Variants in HABP2 observed in about 807,000 individuals in gnomAD.
The protein encoded by HABP2 is factor VII-activating protease.
Under a neutral mutation model 66.5 loss-of-function variants are expected in HABP2, and 65 were observed. The ratio of observed to expected loss-of-function variants is 0.98; its 90% CI spans 0.80 to 1.20. HABP2 has a LOEUF of 1.20. Ranked by LOEUF, HABP2 falls within the 50% of genes most tolerant of loss-of-function variation. The probability of loss-of-function intolerance (pLI) is 0.00; values close to 1 mark genes in which losing one functional copy is unlikely to be tolerated. For synonymous variants in HABP2, 263 were observed against 253.9 expected, an observed-to-expected ratio of 1.04 and a Z score of -0.34; for missense variants, 786 against 691.0, an observed-to-expected ratio of 1.14 and a Z score of -1.54.
At chr10:113,586,476 G>GT (rs58122719) in intron 12 of HABP2, among the ~76,000 whole-genome samples, 5,075 of 85,802 alleles carry the variant, frequency 0.059, 126 homozygotes, top group Middle Eastern at 0.11. Context: ...GTGTGTGTGT[G>GT]GGGGGGGGGG....
intron 10 of HABP2, among the ~76,000 whole-genome samples, chr10:113,583,612 A>G (rs748428065): frequency 7.9e-5 from 12 of 152,222 alleles, no homozygotes; most frequent in Non-Finnish European, 1.5e-4. Context: ...CTTGGCCTGG[A>G]ATCCCAGCTT....
At chr10:113,572,956 AAG>A (rs2133765515) in intron 2 of HABP2, among the ~76,000 whole-genome samples, 1 of 152,318 alleles carries the variant, frequency 6.6e-6, no homozygotes, top group South Asian at 2.1e-4. Flanking sequence ...CAGAGAGATA[AAG>A]ACTCTAACAG....
At chr10:113,561,148 G>A (rs541092875) in intron 1 of HABP2, among the ~76,000 whole-genome samples, 1 of 152,320 alleles carries the variant, frequency 6.6e-6, no homozygotes, top group Admixed American at 6.5e-5. Context: ...GAGAGAGAAG[G>A]AGCCCGTGTC....
intron 4 of HABP2, 60 bp from the exon 5 acceptor site, chr10:113,577,090 A>G: frequency 1.1e-6 from 1 of 914,876 alleles, no homozygotes; most frequent in South Asian, 1.3e-5. Flanking sequence ...TGTTTTATAC[A>G]TGTATCCCTC....
chr10:113,555,588 A>T (rs1465422719), intron 1 of HABP2, among the ~76,000 whole-genome samples: 2 of 152,196 alleles, frequency 1.3e-5, no homozygotes, highest in African/African-American at 4.8e-5. Context: ...ATCATCTGTC[A>T]TGGAGATTTT....
Position 113,579,423 on chromosome 10 carries a change from A to T in HABP2, c.740+625A>T, listed in dbSNP as rs11575761. The stretch of plus-strand genomic sequence containing the variant: ...GAGTTTTTCTCTACCTCAACCTAGA[A>T]GGGACACATCCTCTTCCCACACATA... On this transcript the variant is annotated intron_variant, in intron 7 of 12. Coordinates refer to ENST00000351270, the MANE Select transcript of HABP2 (RefSeq NM_004132.5). Among the ~76,000 whole-genome samples, 673 of 152,320 alleles carry T rather than the reference A, an allele frequency of 4.4e-3. 8 individuals are homozygous for T. The highest frequency in any genetic ancestry group is 0.015 in the African/African-American group (634 of 41,582).
chr10:113,583,750 T>G (rs1845584408), intron 10 of HABP2, among the ~76,000 whole-genome samples: 1 of 152,194 alleles, frequency 6.6e-6, no homozygotes, highest in African/African-American at 2.4e-5. Flanking sequence ...CAGGCATGCC[T>G]GGCCCCTAGC....
At chr10:113,574,597 A>G (rs1845375187) in intron 3 of HABP2, among the ~76,000 whole-genome samples, 192 bp downstream of exon 3, 1 of 152,174 alleles carries the variant, frequency 6.6e-6, no homozygotes, top group Non-Finnish European at 1.5e-5. Context: ...GTTCTTAGAG[A>G]CCATCTCCCC....
Position 113,588,474 on chromosome 10 carries a change from G to GTAGAC in HABP2, c.*108_*112dup. ...TCCAGAGCCTCCAGGGGACCACACA[G>GTAGAC]TAGACTATCCCTACTCTAAGCAGAG... On this transcript the variant is annotated 3_prime_UTR_variant, in exon 13 of 13. Coordinates refer to ENST00000351270, the MANE Select transcript of HABP2 (RefSeq NM_004132.5). 1 of 790,586 alleles carries GTAGAC rather than the reference G, an allele frequency of 1.3e-6. No homozygotes were observed. Among genetic ancestry groups the GTAGAC allele is most frequent in the East Asian group, 2.6e-5 (1 of 37,978 alleles). 49.0% of individuals were successfully genotyped at this position (790,586 alleles called of 1,614,324 possible). A position where few individuals can be genotyped will look rare whatever the true frequency, so the allele number is the denominator to read the frequency against.
Position 113,588,725 on chromosome 10 carries a change from C to CACCA in HABP2, c.*357_*360dup, listed in dbSNP as rs1845730195. The CACCA allele has an allele frequency of 1.8e-6, 1 of 551,300 alleles. No homozygotes were observed. The highest frequency in any genetic ancestry group is 3.4e-5 in the Admixed American group (1 of 29,564). 34.2% of individuals were successfully genotyped at this position (551,300 alleles called of 1,614,324 possible). On this transcript the variant is annotated 3_prime_UTR_variant, in exon 13 of 13. Transcript: ENST00000351270. Reference sequence around the variant, plus strand: ...CAGAATCCCCAGCATCAGCGGGAACCACCATCACATCTTTATTCCTCAGCC... The same window carrying CACCA: ...CAGAATCCCCAGCATCAGCGGGAACCACCAACCATCACATCTTTATTCCTCAGCC...
Position 113,588,961 on chromosome 10 carries a change from A to AG in HABP2, c.*595dup, listed in dbSNP as rs1491089878. On this transcript the variant is annotated 3_prime_UTR_variant, in exon 13 of 13. Transcript: ENST00000351270. ...CTTCCTCTCTGGCCTCTCAGGAATCAGGGTGGACATGGCTCACAACAGCAG... is the reference window on the plus strand; with the variant it reads ...CTTCCTCTCTGGCCTCTCAGGAATCAGGGGTGGACATGGCTCACAACAGCAG... 6.3e-6 allele frequency: 10 copies of AG among 1,579,762 alleles called. No homozygotes were observed. The highest frequency in any genetic ancestry group is 8.6e-6 in the Non-Finnish European group (10 of 1,161,044).
At position 113,583,248 on chromosome 10, in the gene HABP2, G is replaced by A. The variant is rs1186088777; in HGVS notation, c.1127G>A (p.Gly376Glu). The A allele has an allele frequency of 8.1e-6, 13 of 1,613,436 alleles. No individual in the cohort carries two copies. The highest frequency in any genetic ancestry group is 1.0e-5 in the Non-Finnish European group (12 of 1,179,488). ...IKTRHLKVVLGDQDLKKEEFH... is the reference protein window; with the variant it reads ...IKTRHLKVVLEDQDLKKEEFH... ...ACCAGACATCTAAAGGTGGTGCTAGGGGACCAGGACCTGAAGAAAGAAGAA... is the reference window on the plus strand; with the variant it reads ...ACCAGACATCTAAAGGTGGTGCTAGAGGACCAGGACCTGAAGAAAGAAGAA... The change falls in exon 10 of 13, where the codon GGG (glycine) becomes GAG (glutamate). Residue 376 changes from glycine to glutamate, a missense_variant. Coordinates refer to ENST00000351270, the MANE Select transcript of HABP2 (RefSeq NM_004132.5).
At position 113,580,659 on chromosome 10, in the gene HABP2, G is replaced by C; in HGVS notation, c.805G>C (p.Glu269Gln). ...IKVTNDKVKW[E>Q]YCDVSACSAQ... ...AGTTACCAATGACAAGGTGAAATGGGAATACTGTGATGTCTCAGCCTGCTC... is the reference window on the plus strand; with the variant it reads ...AGTTACCAATGACAAGGTGAAATGGCAATACTGTGATGTCTCAGCCTGCTC... Residue 269 changes from glutamate to glutamine, a missense_variant, in exon 8 of 13, where the codon GAA becomes CAA. Coordinates refer to ENST00000351270, the MANE Select transcript of HABP2 (RefSeq NM_004132.5). 1 of 1,597,252 alleles carries C rather than the reference G, an allele frequency of 6.3e-7. No individual in the cohort carries two copies. Among genetic ancestry groups the C allele is most frequent in the Non-Finnish European group, 8.6e-7 (1 of 1,164,712 alleles).
At chr10:113,560,104 C>T (rs1845073989) in intron 1 of HABP2, among the ~76,000 whole-genome samples, 1 of 152,214 alleles carries the variant, frequency 6.6e-6, no homozygotes, top group Non-Finnish European at 1.5e-5. Context: ...GGAAGGAAAC[C>T]ACCCACAGGC....
At chr10:113,570,510 A>G (rs2133761827) in intron 2 of HABP2, among the ~76,000 whole-genome samples, 1 of 152,362 alleles carries the variant, frequency 6.6e-6, no homozygotes, top group South Asian at 2.1e-4. Context: ...AGAGAAAGTC[A>G]CAAATAATCT....
intron 2 of HABP2, among the ~76,000 whole-genome samples, chr10:113,568,622 C>T (rs543652357): frequency 2.7e-4 from 41 of 152,148 alleles, no homozygotes; most frequent in Non-Finnish European, 5.0e-4. Context: ...CCTCTGAAGG[C>T]GCGTATTTCA....
chr10:113,588,942 C>G lies in HABP2; in HGVS notation c.*573C>G. ...CCTGTCTCTGGTGAACAAACTTCCT[C>G]TCTGGCCTCTCAGGAATCAGGGTGG... On this transcript the variant is annotated 3_prime_UTR_variant, in exon 13 of 13. Coordinates refer to ENST00000351270, the MANE Select transcript of HABP2 (RefSeq NM_004132.5). 6.4e-7 allele frequency: 1 copy of G among 1,559,276 alleles called. No individual in the cohort carries two copies.
At position 113,589,540 on chromosome 10, in the gene HABP2, G is replaced by A; in HGVS notation, c.*1171G>A. The A allele has an allele frequency of 8.6e-7, 1 of 1,165,622 alleles. No individual in the cohort carries two copies. Among genetic ancestry groups the A allele is most frequent in the African/African-American group, 1.5e-5 (1 of 65,376 alleles). 72.2% of individuals were successfully genotyped at this position (1,165,622 alleles called of 1,614,324 possible). The stretch of plus-strand genomic sequence containing the variant: ...CCATGAAATTAGGCGCCTTGTTTGA[G>A]CTGCGTTTCACACTTCTTTAGAGCT... On this transcript the variant is annotated 3_prime_UTR_variant, in exon 13 of 13. Transcript: ENST00000351270.
intron 1 of HABP2, among the ~76,000 whole-genome samples, chr10:113,566,402 C>G (rs7917138): frequency 0.096 from 14,555 of 152,326 alleles, 792 homozygotes; most frequent in Non-Finnish European, 0.12. Flanking sequence ...AGAGCATACT[C>G]CAGTTATTAA....
Sources: gnomAD v4.1 joint callset for allele counts (sites outside exome capture counted in the v4.1 genomes callset) on GRCh38, gnomAD v4.1.1 for gene constraint, MANE v1.5 for transcripts, NCBI Gene and HGNC (gene_info 2026-07-23, HGNC 2026-07-21) for gene names.